The following HAPLN1 variants were observed in gnomAD, a reference collection of about 807,000 sequenced individuals.
HAPLN1 encodes the protein hyaluronan and proteoglycan link protein 1, also known as Cartilage link protein.
HAPLN1 carries 13 observed loss-of-function variants against 36.5 expected under a neutral mutation model. The ratio of observed to expected loss-of-function variants is 0.36; its 90% confidence interval spans 0.23 to 0.57. The LOEUF (loss-of-function observed/expected upper bound fraction) is 0.57. HAPLN1 is among the 20% of genes least tolerant of loss of function. The pLI is 0.83. For missense variants in HAPLN1, 407 were observed against 439.7 expected (o/e 0.93, Z 0.66); for synonymous variants, 202 against 169.8 (o/e 1.19, Z -1.48).
At chr5:83,673,302 G>T in intron 2 of HAPLN1, 122 bp downstream of exon 2, 1 of 649,432 alleles carries the variant, frequency 1.5e-6, no homozygotes, top group Non-Finnish European at 2.6e-6. Context: ...TCACCAATTA[G>T]CAGAAAGGGA....
Position 83,694,156 on chromosome 5 carries a change from C to T in HAPLN1, c.-26-20607G>A, listed in dbSNP as rs528719528. On this transcript the variant is annotated intron_variant, in intron 1 of 4. Transcript: ENST00000274341. ...AAACAAAAAGATATGTGGAATACTT[C>T]TATCTATTTGGAAACTAAAGCACAA... Among the ~76,000 whole-genome samples, 14 of 152,030 alleles carry T rather than the reference C, an allele frequency of 9.2e-5. No individual in the cohort carries two copies. The East Asian group carries it at 2.7e-3, about 29-fold the overall frequency.
intron 1 of HAPLN1, among the ~76,000 whole-genome samples, chr5:83,699,972 G>A (rs1050126613): frequency 6.6e-6 from 1 of 151,980 alleles, no homozygotes; most frequent in Non-Finnish European, 1.5e-5. Context: ...AAGGTGGTTG[G>A]ATCATGAGGT....
rs747546201 is a variant in HAPLN1 at position 83,641,519 on chromosome 5, A to G, written c.1042T>C (p.Tyr348His). ...PDKKHKLYGV[Y>H]CFRAYN is the part of the protein sequence containing the mutation. ...ATTCAGTTGTATGCTCTGAAGCAGT[A>G]GACACCATACAGCTTATGCTTTTTA... The change falls in exon 5 of 5, where the codon TAC becomes CAC. Residue 348 changes from tyrosine (Y) to histidine (H), a missense_variant. Tyr to His is a moderately conservative substitution (Grantham distance 83, BLOSUM62 2). Coordinates refer to ENST00000274341, the MANE Select transcript of HAPLN1 (RefSeq NM_001884.4). 6.2e-7 allele frequency: 1 copy of G among 1,611,006 alleles called. No homozygotes were observed. The highest frequency in any genetic ancestry group is 1.1e-5 in the South Asian group (1 of 90,958).
chr5:83,656,192 G>A (rs1157656577), intron 2 of HAPLN1, among the ~76,000 whole-genome samples: 1 of 151,824 alleles, frequency 6.6e-6, no homozygotes, highest in Non-Finnish European at 1.5e-5. Context: ...GACAGGCATG[G>A]TGGCGTGTGC....
At chr5:83,645,112 A>C (rs1749816698) in intron 3 of HAPLN1, among the ~76,000 whole-genome samples, 1 of 138,880 alleles carries the variant, frequency 7.2e-6, no homozygotes, top group African/African-American at 2.8e-5. Flanking sequence ...GAATACTAAG[A>C]GCGGAGGGGA....
At chr5:83,649,947 C>A (rs1001315663) in intron 3 of HAPLN1, among the ~76,000 whole-genome samples, 2 of 152,134 alleles carry the variant, frequency 1.3e-5, no homozygotes, top group African/African-American at 4.8e-5. Flanking sequence ...ATTTACAAAA[C>A]AAAATGTGAT....
chr5:83,712,696 G>C (rs983524571), intron 1 of HAPLN1, among the ~76,000 whole-genome samples: 2 of 152,054 alleles, frequency 1.3e-5, no homozygotes, highest in Non-Finnish European at 2.9e-5. Flanking sequence ...GTAGGGGATA[G>C]GGTTGTCAGG....
chr5:83,680,948 G>C (rs1487341575), intron 1 of HAPLN1, among the ~76,000 whole-genome samples: 1 of 152,030 alleles, frequency 6.6e-6, no homozygotes, highest in East Asian at 1.9e-4. Flanking sequence ...TTTCTTTGTG[G>C]TTTAATATGC....
At position 83,639,727 on chromosome 5, in the gene HAPLN1, T is replaced by A. The variant is rs1452903403; in HGVS notation, c.*1769A>T. On this transcript the variant is annotated 3_prime_UTR_variant, in exon 5 of 5. Transcript: ENST00000274341. ...TTACAAACTCTTTGGATTTATAGTT[T>A]TGTACAGTTTGCATATCCAACCTAA... 4 of 152,112 alleles carry A rather than the reference T, an allele frequency of 2.6e-5. No individual in the cohort carries two copies. The East Asian group carries it at 7.7e-4, about 29-fold the overall frequency. 9.4% of individuals were successfully genotyped at this position (152,112 alleles called of 1,614,324 possible). A position where few individuals can be genotyped will look rare whatever the true frequency, so the allele number is the denominator to read the frequency against.
chr5:83,653,007 T>C (rs1750116141), intron 2 of HAPLN1, among the ~76,000 whole-genome samples, 183 bp from the exon 3 acceptor site: 1 of 152,166 alleles, frequency 6.6e-6, no homozygotes, highest in Non-Finnish European at 1.5e-5. Context: ...AAGGTATCTC[T>C]AAAGTAGTCA....
intron 1 of HAPLN1, among the ~76,000 whole-genome samples, chr5:83,701,736 A>G (rs1056825454): frequency 1.4e-4 from 22 of 152,266 alleles, no homozygotes; most frequent in South Asian, 6.2e-4. Context: ...TCAGGAGATC[A>G]GGACCAGCCT....
chr5:83,712,583 C>T (rs1460198102), intron 1 of HAPLN1, among the ~76,000 whole-genome samples: 5 of 151,718 alleles, frequency 3.3e-5, no homozygotes, highest in South Asian at 2.1e-4. Flanking sequence ...ATATTTATCT[C>T]GCTAGTAAAA....
At chr5:83,656,427 G>T (rs1750217292) in intron 2 of HAPLN1, among the ~76,000 whole-genome samples, 1 of 133,094 alleles carries the variant, frequency 7.5e-6, no homozygotes, top group African/African-American at 3.2e-5. Context: ...ATTAGAATGA[G>T]TATTGCTTTA....
chr5:83,704,684 C>A (rs942266961), intron 1 of HAPLN1, among the ~76,000 whole-genome samples: 1 of 152,160 alleles, frequency 6.6e-6, no homozygotes, highest in Non-Finnish European at 1.5e-5. Context: ...ATAAGGTGTT[C>A]AATTCACCAA....
At chr5:83,681,373 G>C (rs1750994466) in intron 1 of HAPLN1, among the ~76,000 whole-genome samples, 1 of 152,064 alleles carries the variant, frequency 6.6e-6, no homozygotes, top group Admixed American at 6.5e-5. Flanking sequence ...ACATTCTAAA[G>C]GAATGTTCTG....
Position 83,675,780 on chromosome 5 carries a change from C to T in HAPLN1, c.-26-2231G>A, listed in dbSNP as rs140442395. ...GTCTACTGTTCGCCAGCACTATAAG[C>T]AGCATTTTGTCTGCAATGGCTCATG... On this transcript the variant is annotated intron_variant, in intron 1 of 4. Coordinates refer to ENST00000274341, the MANE Select transcript of HAPLN1 (RefSeq NM_001884.4). Among the ~76,000 whole-genome samples, 1,287 of 152,246 alleles carry T rather than the reference C, an allele frequency of 8.5e-3. 25 individuals carry two copies. The highest frequency in any genetic ancestry group is 0.029 in the African/African-American group (1,217 of 41,542).
At chr5:83,650,099 G>A (rs1750010093) in intron 3 of HAPLN1, among the ~76,000 whole-genome samples, 1 of 152,150 alleles carries the variant, frequency 6.6e-6, no homozygotes, top group Non-Finnish European at 1.5e-5. Flanking sequence ...AAAGCCTGAA[G>A]CAGCTGAATG....
chr5:83,711,514 G>C (rs6869296), intron 1 of HAPLN1, among the ~76,000 whole-genome samples: 104,991 of 151,948 alleles, frequency 0.69, 36,631 homozygotes, highest in Non-Finnish European at 0.75. Flanking sequence ...TGATGGACAA[G>C]AAAGAAAGAA....
intron 1 of HAPLN1, among the ~76,000 whole-genome samples, chr5:83,675,515 A>G (rs1285771497): frequency 6.6e-6 from 1 of 152,136 alleles, no homozygotes; most frequent in Non-Finnish European, 1.5e-5. Context: ...ACTAGGTTAG[A>G]GTTGTTTATC....
Sources: gnomAD v4.1 joint callset for allele counts (sites outside exome capture counted in the v4.1 genomes callset) on GRCh38, gnomAD v4.1.1 for gene constraint, MANE v1.5 for transcripts, NCBI Gene and HGNC (gene_info 2026-07-23, HGNC 2026-07-21) for gene names.